Variants in CFAP69 observed in about 807,000 individuals in gnomAD.
CFAP69 encodes cilia- and flagella-associated protein 69.
In CFAP69, 92 loss-of-function variants were observed where a neutral mutation model predicts 123.0. That is an observed-to-expected ratio of 0.75 (90% CI 0.63 to 0.89). The LOEUF (loss-of-function observed/expected upper bound fraction) is 0.89. Among genes scored for constraint, CFAP69 ranks in the 40% least tolerant of loss-of-function variants. CFAP69 has a pLI of 0.00. For synonymous variants in CFAP69, 380 were observed against 364.3 expected, an observed-to-expected ratio of 1.04 and a Z score of -0.49; for missense variants, 1,067 against 1,096.9, an observed-to-expected ratio of 0.97 and a Z score of 0.39.
intron 11 of CFAP69, among the ~76,000 whole-genome samples, chr7:90,278,666 G>A (rs1788969502): frequency 6.6e-6 from 1 of 152,084 alleles, no homozygotes; most frequent in Admixed American, 6.5e-5. Context: ...ATGGTGAGGA[G>A]CTTCTTAAAA....
chr7:90,316,035 A>G (rs1794788376), downstream of CFAP69, among the ~76,000 whole-genome samples: 2 of 152,234 alleles, frequency 1.3e-5, no homozygotes, highest in South Asian at 4.1e-4. Context: ...CGGAGGCTGC[A>G]GTGAGCCAAG....
At chr7:90,292,045 C>A (rs1385481744) in intron 15 of CFAP69, among the ~76,000 whole-genome samples, 3 of 152,132 alleles carry the variant, frequency 2.0e-5, no homozygotes, top group South Asian at 4.1e-4. Flanking sequence ...AAACATATTT[C>A]TCTCTCCAGT....
At chr7:90,293,327 T>G (rs574509081) in intron 15 of CFAP69, among the ~76,000 whole-genome samples, 2 of 152,312 alleles carry the variant, frequency 1.3e-5, no homozygotes, top group African/African-American at 4.8e-5. Flanking sequence ...TAAGGTAAGA[T>G]TCTCATAAAC....
chr7:90,262,309 G>C (rs1299648836), intron 4 of CFAP69, among the ~76,000 whole-genome samples: 2 of 152,142 alleles, frequency 1.3e-5, no homozygotes, highest in African/African-American at 4.8e-5. Context: ...TGAAGTAAAT[G>C]CTAAATATTA....
At chr7:90,319,099 G>T in the CFAP69 span, 1 of 310,216 alleles carries the variant, frequency 3.2e-6, no homozygotes, top group East Asian at 5.2e-5. Context: ...CTATTCATGG[G>T]CAAACAAGGA....
At chr7:90,298,241 A>G (rs1356186532) in intron 16 of CFAP69, among the ~76,000 whole-genome samples, 2 of 152,218 alleles carry the variant, frequency 1.3e-5, no homozygotes, top group African/African-American at 4.8e-5. Context: ...AAGCATTTTT[A>G]AAGAACTATG....
At chr7:90,308,237 C>T (rs1461806135) in intron 21 of CFAP69, among the ~76,000 whole-genome samples, 3 of 152,048 alleles carry the variant, frequency 2.0e-5, no homozygotes, top group East Asian at 3.8e-4. Flanking sequence ...ACTCTGTCCC[C>T]CAAGAGCTTT....
chr7:90,274,518 T>C (rs1267121127), intron 9 of CFAP69, among the ~76,000 whole-genome samples: 1 of 152,200 alleles, frequency 6.6e-6, no homozygotes, highest in Admixed American at 6.5e-5. Flanking sequence ...TTAAAGTCTA[T>C]GCTCATTGAA....
intron 17 of CFAP69, 133 bp downstream of exon 17, chr7:90,300,192 A>C (rs1463067065): frequency 5.1e-6 from 6 of 1,182,068 alleles, no homozygotes; most frequent in Non-Finnish European, 6.4e-6. Context: ...CAAGGGTTTG[A>C]AAAATTTGCT....
At chr7:90,281,117 G>T (rs1429793366) in intron 12 of CFAP69, among the ~76,000 whole-genome samples, 1 of 152,144 alleles carries the variant, frequency 6.6e-6, no homozygotes, top group Non-Finnish European at 1.5e-5. Context: ...AAGTCATTTA[G>T]TCCTCTCAAC....
chr7:90,293,193 C>T (rs1439081240), intron 15 of CFAP69, among the ~76,000 whole-genome samples: 2 of 152,128 alleles, frequency 1.3e-5, no homozygotes, highest in African/African-American at 4.8e-5. Flanking sequence ...TTTGACAATG[C>T]TTCCTGTATG....
chr7:90,302,006 T>C (rs754109105), intron 17 of CFAP69: 1 of 152,202 alleles, frequency 6.6e-6, no homozygotes, highest in Non-Finnish European at 1.5e-5. Flanking sequence ...GACTTTTTAA[T>C]AACAGCCATT....
At chr7:90,258,002 G>T in intron 2 of CFAP69, 96 bp from the exon 3 acceptor site, 2 of 732,190 alleles carry the variant, frequency 2.7e-6, no homozygotes, top group East Asian at 2.9e-5. Context: ...AGAATTACTT[G>T]ATAATTTTAA....
chr7:90,304,318 C>T, intron 18 of CFAP69: 1 of 1,284,476 alleles, frequency 7.8e-7, no homozygotes, highest in South Asian at 2.4e-5. Context: ...TTTTTTAAAG[C>T]TCCCCAGGCA....
At chr7:90,314,310 T>C (rs1358134766), downstream of CFAP69, among the ~76,000 whole-genome samples, 1 of 152,168 alleles carries the variant, frequency 6.6e-6, no homozygotes, top group Admixed American at 6.5e-5. Context: ...ACATATATAA[T>C]GTTAAGATAT....
intron 1 of CFAP69, among the ~76,000 whole-genome samples, chr7:90,245,901 C>A (rs1376307781): frequency 6.6e-6 from 1 of 152,180 alleles, no homozygotes; most frequent in East Asian, 1.9e-4. Flanking sequence ...ATTTGATGAC[C>A]TGATCAGTTT....
In CFAP69 at chr7:90,306,967, G is replaced by T. The variant is rs1793688302; in HGVS notation, c.2332G>T (p.Asp778Tyr). 6.3e-7 allele frequency: 1 copy of T among 1,594,998 alleles called. No homozygotes were observed. Among genetic ancestry groups the T allele is most frequent in the Admixed American group, 1.7e-5 (1 of 59,416 alleles). Residue 778 changes from aspartate to tyrosine, a missense_variant, in exon 20 of 23, where the codon GAT becomes TAT. Coordinates refer to ENST00000389297, the MANE Select transcript of CFAP69 (RefSeq NM_001039706.3). ...KLEKLRPVTT[D>Y]KKALEAITTA... ...AGAAAAATTAAGACCAGTCACTACA[G>T]ATAAAAAAGCTTTGGAAGCTATTAC...
intron 15 of CFAP69, among the ~76,000 whole-genome samples, chr7:90,294,103 C>G (rs182754237): frequency 3.2e-4 from 49 of 152,258 alleles, no homozygotes; most frequent in African/African-American, 1.2e-3. Context: ...CATCTGTTTT[C>G]TTTACAACCT....
intron 15 of CFAP69, among the ~76,000 whole-genome samples, chr7:90,292,191 T>C (rs774206639): frequency 1.3e-5 from 2 of 152,200 alleles, no homozygotes; most frequent in Non-Finnish European, 2.9e-5. Context: ...TGGAACTCTG[T>C]TCCATAAGGA....
Sources: allele counts gnomAD v4.1 joint callset (sites outside exome capture counted in the v4.1 genomes callset), GRCh38; gene constraint gnomAD v4.1.1; transcripts MANE v1.5; gene names NCBI Gene and HGNC (gene_info 2026-07-23, HGNC 2026-07-21).